POLD3: variants seen among roughly 807,000 people sequenced by gnomAD.
The protein encoded by POLD3 is DNA polymerase delta 3, accessory subunit.
In POLD3, 19 loss-of-function variants were observed where a neutral mutation model predicts 58.2. The ratio of observed to expected loss-of-function variants is 0.33; its 90% CI spans 0.23 to 0.48. The LOEUF is 0.48. POLD3 is among the 20% of genes least tolerant of loss of function. The pLI is 0.99. For missense variants in POLD3, 504 were observed against 545.5 expected (o/e 0.92, Z 0.76); for synonymous variants, 172 against 193.5 (o/e 0.89, Z 0.92).
At position 74,592,618 on chromosome 11, in the gene POLD3, T is replaced by C. The variant is rs775004367; in HGVS notation, c.-41T>C. 1.1e-5 allele frequency: 17 copies of C among 1,608,220 alleles called. No individual in the cohort carries two copies. Among genetic ancestry groups the C allele is most frequent in the Non-Finnish European group, 1.3e-5 (15 of 1,176,400 alleles). ...CCGCCGGCGGGAGCTGTGGCTGTGATTGAGAGAGGGGTTAGAGGCGGGTCC... is the reference window on the plus strand; with the variant it reads ...CCGCCGGCGGGAGCTGTGGCTGTGACTGAGAGAGGGGTTAGAGGCGGGTCC... On this transcript the variant is annotated 5_prime_UTR_variant, in exon 1 of 12. Coordinates refer to ENST00000263681, the MANE Select transcript of POLD3 (RefSeq NM_006591.3).
chr11:74,636,157 T>C (rs772314704), intron 10 of POLD3, 40 bp from the exon 11 acceptor site: 8 of 1,580,766 alleles, frequency 5.1e-6, no homozygotes, highest in Non-Finnish European at 6.1e-6. Context: ...CTGTATAACA[T>C]AATTGATCCA....
At chr11:74,592,833 A>G (rs911955486) in intron 1 of POLD3, 115 bp downstream of exon 1, 8 of 1,520,678 alleles carry the variant, frequency 5.3e-6, no homozygotes, top group Admixed American at 4.3e-5. Flanking sequence ...CAGGGGAGAC[A>G]GGTCCCCACG....
In POLD3 at chr11:74,642,736, ACTGAGTAT is replaced by A; in HGVS notation, c.*1975_*1982del. ...AAGTTGTTTTAAAACAGTGCTTCAA[ACTGAGTAT>A]CTGATGAGTCTCTTATTTGATGGAT... is the stretch of plus-strand genomic sequence containing the variant. On this transcript the variant is annotated 3_prime_UTR_variant, in exon 12 of 12. Coordinates refer to ENST00000263681, the MANE Select transcript of POLD3 (RefSeq NM_006591.3). 2 of 984,544 alleles carry A rather than the reference ACTGAGTAT, an allele frequency of 2.0e-6. No homozygotes were observed. The highest frequency in any genetic ancestry group is 1.7e-5 in the African/African-American group (1 of 57,328). 61.0% of individuals were successfully genotyped at this position (984,544 alleles called of 1,614,324 possible).
At chr11:74,627,723 T>C (rs1411376115) in intron 8 of POLD3, among the ~76,000 whole-genome samples, 1 of 152,200 alleles carries the variant, frequency 6.6e-6, no homozygotes, top group Non-Finnish European at 1.5e-5. Flanking sequence ...AATACCGTTG[T>C]GTTACAGTTG....
intron 11 of POLD3, among the ~76,000 whole-genome samples, chr11:74,637,435 CTTTTTTTT>C (rs5792663): frequency 8.7e-6 from 1 of 115,476 alleles, no homozygotes; most frequent in Non-Finnish European, 1.7e-5. Context: ...CTTTTTCTTC[CTTTTTTTT>C]TTTTTTTTGG....
At chr11:74,609,656 C>T (rs1036865222) in intron 3 of POLD3, among the ~76,000 whole-genome samples, 4 of 151,888 alleles carry the variant, frequency 2.6e-5, no homozygotes, top group African/African-American at 9.7e-5. Flanking sequence ...GCTGAGATTA[C>T]AGGCGTGAGC....
At chr11:74,595,346 C>T (rs1419708701) in intron 2 of POLD3, 1 of 152,034 alleles carries the variant, frequency 6.6e-6, no homozygotes, top group Admixed American at 6.6e-5. Context: ...GAAGTGGTAT[C>T]TCATAAATTA....
chr11:74,598,880 G>A (rs1040045600), intron 2 of POLD3, among the ~76,000 whole-genome samples: 1 of 152,074 alleles, frequency 6.6e-6, no homozygotes, highest in Admixed American at 6.6e-5. Context: ...CAAGAAGTGG[G>A]CTCTACTTCT....
chr11:74,650,998 G>A (rs1565133065), intron 4 of POLD3, among the ~76,000 whole-genome samples: 3 of 152,164 alleles, frequency 2.0e-5, no homozygotes, highest in Non-Finnish European at 4.4e-5. Flanking sequence ...CCCTGCACTT[G>A]GACGCAGAAA....
At chr11:74,626,669 A>G (rs974768796) in intron 8 of POLD3, among the ~76,000 whole-genome samples, 6 of 152,218 alleles carry the variant, frequency 3.9e-5, no homozygotes, top group East Asian at 1.9e-4. Flanking sequence ...TATGAGGTCT[A>G]CAGGTCAGTT....
At chr11:74,631,560 C>T (rs970728651) in intron 9 of POLD3, among the ~76,000 whole-genome samples, 38 of 147,132 alleles carry the variant, frequency 2.6e-4, no homozygotes, top group South Asian at 4.4e-4. Flanking sequence ...TCTCGGCTCA[C>T]TGCAACCTCC....
chr11:74,637,392 T>A (rs967138029), intron 11 of POLD3, among the ~76,000 whole-genome samples: 1 of 151,496 alleles, frequency 6.6e-6, no homozygotes, highest in East Asian at 1.9e-4. Flanking sequence ...TGTGAACCTG[T>A]GAATTCTGGA....
chr11:74,620,214 A>T (rs548231114), intron 7 of POLD3, 125 bp downstream of exon 7: 2 of 714,458 alleles, frequency 2.8e-6, no homozygotes, highest in South Asian at 3.2e-5. Context: ...ATTCTAACAA[A>T]TTTCCAGTGT....
chr11:74,621,052 G>A (rs946138079), intron 7 of POLD3, among the ~76,000 whole-genome samples: 2 of 152,056 alleles, frequency 1.3e-5, no homozygotes, highest in African/African-American at 2.4e-5. Context: ...AATGGAAAAT[G>A]TGATACTTAA....
At position 74,625,476 on chromosome 11, in the gene POLD3, G is replaced by T. The variant is rs1388562200; in HGVS notation, c.802G>T (p.Val268Leu). 1.2e-6 allele frequency: 2 copies of T among 1,613,738 alleles called. No individual in the cohort carries two copies. Among genetic ancestry groups the T allele is most frequent in the African/African-American group, 2.7e-5 (2 of 74,890 alleles). Residue 268 changes from valine (V) to leucine (L), a missense_variant, in exon 8 of 12, where the codon GTG becomes TTG. By Grantham distance (32) the Val-to-Leu change is conservative. Transcript: ENST00000263681. ...KEEKIVEQPT[V>L]SVTEPKLATP... ...AGAAAAAATAGTGGAGCAGCCTACA[G>T]TGTCTGTCACGGAACCAAAGCTGGC...
At position 74,641,858 on chromosome 11, in the gene POLD3, A is replaced by G. The variant is rs2032921764; in HGVS notation, c.*1092A>G. On this transcript the variant is annotated 3_prime_UTR_variant, in exon 12 of 12. Transcript: ENST00000263681. ...CCTAAGAGAGGATGGAGAGGGAGAG[A>G]CTGAATTGTTAGTAGGTCTAAACAT... The G allele has an allele frequency of 1.0e-6, 1 of 985,170 alleles. No individual in the cohort carries two copies. The highest frequency in any genetic ancestry group is 1.7e-5 in the African/African-American group (1 of 57,216). 61.0% of individuals were successfully genotyped at this position (985,170 alleles called of 1,614,324 possible).
At chr11:74,597,359 A>C (rs1366787409) in intron 2 of POLD3, among the ~76,000 whole-genome samples, 3 of 152,120 alleles carry the variant, frequency 2.0e-5, no homozygotes, top group Non-Finnish European at 2.9e-5. Context: ...AAGATTTTTT[A>C]GTTTTTGCAC....
chr11:74,611,517 G>C lies in POLD3; in HGVS notation c.238G>C (p.Val80Leu), dbSNP rs1277855931. The C allele has an allele frequency of 6.4e-7, 1 of 1,571,888 alleles. No homozygotes were observed. The highest frequency in any genetic ancestry group is 8.7e-7 in the Non-Finnish European group (1 of 1,152,286). Residue 80 changes from valine to leucine, a missense_variant, in exon 4 of 12, where the codon GTG becomes CTG. By Grantham distance (32) the Val-to-Leu change is conservative. Transcript: ENST00000263681. ...CTTACAGTGCCACAAGGTTGCAGTA[G>C]TGAGAGAAGATAAATTGGAAGGTAA... ...NGHSCHKVAVVREDKLEAVKS... is the reference protein window; with the variant it reads ...NGHSCHKVAVLREDKLEAVKS...
chr11:74,599,454 T>C (rs952209861), intron 2 of POLD3, among the ~76,000 whole-genome samples: 2 of 150,528 alleles, frequency 1.3e-5, no homozygotes, highest in Non-Finnish European at 2.9e-5. Context: ...AACCTCCACC[T>C]TCCAGGTTCA....
Sources: gnomAD v4.1 joint callset for allele counts (sites outside exome capture counted in the v4.1 genomes callset) on GRCh38, gnomAD v4.1.1 for gene constraint, MANE v1.5 for transcripts, NCBI Gene and HGNC (gene_info 2026-07-23, HGNC 2026-07-21) for gene names.